The following STIP1 variants were observed in gnomAD, a reference collection of about 807,000 sequenced individuals.
The protein encoded by STIP1 is stress-induced-phosphoprotein 1.
In STIP1, 16 loss-of-function variants were observed where a neutral mutation model predicts 77.4. The observed-to-expected ratio is 0.21, with a 90% CI of 0.14 to 0.31. STIP1 has a LOEUF of 0.31. Ranked by LOEUF, STIP1 falls within the 10% of genes least tolerant of loss-of-function variation. The probability of loss-of-function intolerance (pLI) is 1.00; values close to 1 mark genes in which losing one functional copy is unlikely to be tolerated. For synonymous variants in STIP1, 258 were observed against 246.6 expected (o/e 1.05, Z -0.44); for missense variants, 524 against 684.8 (o/e 0.77, Z 2.62).
intron 2 of STIP1, 139 bp from the exon 3 acceptor site, chr11:64,194,050 T>C: frequency 8.2e-7 from 1 of 1,220,558 alleles, no homozygotes; most frequent in Non-Finnish European, 1.1e-6. Context: ...CGTAGCCTAC[T>C]CCTCTCCTTT....
intron 1 of STIP1, among the ~76,000 whole-genome samples, chr11:64,190,818 G>A (rs1591005254): frequency 6.6e-6 from 1 of 151,990 alleles, no homozygotes; most frequent in African/African-American, 2.4e-5. Context: ...AATATGGTGA[G>A]ACACCATTTC....
At chr11:64,202,181 C>T (rs1305176625) in intron 10 of STIP1, among the ~76,000 whole-genome samples, 1 of 152,104 alleles carries the variant, frequency 6.6e-6, no homozygotes, top group African/African-American at 2.4e-5. Flanking sequence ...TAGACTTGCC[C>T]ACTTCTCCAA....
intron 1 of STIP1, among the ~76,000 whole-genome samples, chr11:64,189,453 G>T (rs1249864895): frequency 6.6e-6 from 1 of 152,166 alleles, no homozygotes; most frequent in African/African-American, 2.4e-5. Flanking sequence ...CTTGAACCTG[G>T]CTGGTCGAGG....
chr11:64,198,819 T>C (rs754992384), intron 8 of STIP1, among the ~76,000 whole-genome samples: 22 of 150,040 alleles, frequency 1.5e-4, no homozygotes, highest in Non-Finnish European at 2.8e-4. Context: ...TGTGTTAATA[T>C]TGAGGGCCTG....
chr11:64,197,606 C>A lies in STIP1; in HGVS notation c.902+11C>A. The stretch of plus-strand genomic sequence containing the variant: ...TCGACAGATTGCCAAGTAGGCTCAA[C>A]CTTCCAGAATACCTTGAGTAGCGCG... On this transcript the variant is annotated intron_variant, in intron 7 of 13. Coordinates refer to ENST00000305218, the MANE Select transcript of STIP1 (RefSeq NM_006819.3). 2 of 1,613,840 alleles carry A rather than the reference C, an allele frequency of 1.2e-6. No individual in the cohort carries two copies. Among genetic ancestry groups the A allele is most frequent in the South Asian group, 2.2e-5 (2 of 91,068 alleles).
At chr11:64,185,335 T>G (rs1945997131), upstream of STIP1, 1 of 172,092 alleles carries the variant, frequency 5.8e-6, no homozygotes, top group African/African-American at 2.4e-5. Context: ...GCGGTTCCAC[T>G]GAGGACGCCC....
chr11:64,201,332 C>T (rs903739188), intron 10 of STIP1, among the ~76,000 whole-genome samples: 8 of 152,200 alleles, frequency 5.3e-5, no homozygotes, highest in South Asian at 2.1e-4. Context: ...TGAGCCACTG[C>T]GCCCGGCCTA....
At chr11:64,194,655 C>T (rs750742771) in intron 4 of STIP1, 35 bp downstream of exon 4, 19 of 1,605,426 alleles carry the variant, frequency 1.2e-5, no homozygotes, top group South Asian at 3.3e-5. Context: ...TTCTGGAAAT[C>T]GGGGAATGTT....
At chr11:64,185,626 A>G, upstream of STIP1, 1 of 659,114 alleles carries the variant, frequency 1.5e-6, no homozygotes, top group Non-Finnish European at 2.5e-6. Context: ...GGCACTCGGG[A>G]GCGAGAGGGA....
At chr11:64,199,819 T>A (rs1484453882) in intron 8 of STIP1, 121 bp from the exon 9 acceptor site, 2 of 1,120,784 alleles carry the variant, frequency 1.8e-6, no homozygotes. Flanking sequence ...CGCCTCGGCC[T>A]CCCAAAGTGC....
chr11:64,197,064 A>C, intron 5 of STIP1: 1 of 617,894 alleles, frequency 1.6e-6, no homozygotes, highest in Non-Finnish European at 2.8e-6. Context: ...GAAAAGGGGG[A>C]GTTTCAGAGC....
chr11:64,186,002 T>A (rs1565275766), upstream of STIP1: 2 of 1,543,330 alleles, frequency 1.3e-6, no homozygotes, highest in South Asian at 2.4e-5. Context: ...CGCCCAATCC[T>A]GAGGTGCGGG....
At chr11:64,189,756 C>A (rs1161561342) in intron 1 of STIP1, among the ~76,000 whole-genome samples, 3 of 152,114 alleles carry the variant, frequency 2.0e-5, no homozygotes, top group Admixed American at 2.0e-4. Flanking sequence ...ATTTCCTGAC[C>A]CACTGTTGAT....
At chr11:64,203,731 T>C (rs1591017301) in intron 13 of STIP1, 109 bp downstream of exon 13, 6 of 1,411,640 alleles carry the variant, frequency 4.3e-6, no homozygotes, top group Middle Eastern at 1.8e-4. Flanking sequence ...AGAGGAATTC[T>C]GTCATTCTTC....
chr11:64,194,045 C>G (rs1946120510), intron 2 of STIP1, 144 bp from the exon 3 acceptor site: 16 of 1,164,370 alleles, frequency 1.4e-5, no homozygotes, highest in Non-Finnish European at 1.8e-5. Context: ...GGCCTCGTAG[C>G]CTACTCCTCT....
At position 64,197,398 on chromosome 11, in the gene STIP1, G is replaced by A; in HGVS notation, c.799+1G>A. 6.2e-7 allele frequency: 1 copy of A among 1,614,078 alleles called. No individual in the cohort carries two copies. Among genetic ancestry groups the A allele is most frequent in the Non-Finnish European group, 8.5e-7 (1 of 1,180,016 alleles). ...ATGACTTACATTACCAATCAAGCAG[G>A]TGAGGCCCAGAAACAAGGGGCAAGG... On this transcript the variant is annotated splice_donor_variant, in intron 6 of 13. Coordinates refer to ENST00000305218, the MANE Select transcript of STIP1 (RefSeq NM_006819.3). LOFTEE classifies it high-confidence loss of function.
rs1465886146 is a variant in STIP1 at position 64,204,298 on chromosome 11, G to A, written c.*172G>A. On this transcript the variant is annotated 3_prime_UTR_variant, in exon 14 of 14. Transcript: ENST00000305218. The stretch of plus-strand genomic sequence containing the variant: ...TCGTACCTGCGCTGTTTGTGCCGCC[G>A]CTGCCTCTGGGCCCTCCCAGCACAC... 1.5e-5 allele frequency: 10 copies of A among 646,650 alleles called. No homozygotes were observed. The highest frequency in any genetic ancestry group is 2.3e-5 in the Non-Finnish European group (9 of 385,824). 40.1% of individuals were successfully genotyped at this position (646,650 alleles called of 1,614,324 possible).
chr11:64,199,185 T>TGC (rs1946185761), intron 8 of STIP1, among the ~76,000 whole-genome samples: 1 of 90,654 alleles, frequency 1.1e-5, no homozygotes. Context: ...TGGGTGAGAG[T>TGC]GAGACTCCAT....
chr11:64,188,226 C>A (rs1946049192), intron 1 of STIP1, among the ~76,000 whole-genome samples: 1 of 151,738 alleles, frequency 6.6e-6, no homozygotes, highest in Non-Finnish European at 1.5e-5. Flanking sequence ...GGCCTGTAAT[C>A]CCAGCTATTG....
Sources: allele counts gnomAD v4.1 joint callset (sites outside exome capture counted in the v4.1 genomes callset), GRCh38; gene constraint gnomAD v4.1.1; transcripts MANE v1.5; gene names NCBI Gene and HGNC (gene_info 2026-07-23, HGNC 2026-07-21).